GPR39: variants seen among roughly 807,000 people sequenced by gnomAD.
The protein encoded by GPR39 is G protein-coupled receptor 39.
GPR39 carries 23 observed loss-of-function variants against 18.4 expected under a neutral mutation model. The observed-to-expected ratio is 1.25, with a 90% confidence interval of 0.90 to 1.77. GPR39 has a LOEUF of 1.77. GPR39 is among the 40% of genes most tolerant of loss of function. GPR39 has a pLI of 0.00. For missense variants in GPR39, 647 were observed against 602.4 expected (o/e 1.07, Z -0.78); for synonymous variants, 280 against 257.9 (o/e 1.09, Z -0.82).
chr2:132,564,803 C>CTTTTTTTTTTTTTTT (rs1680316668), intron 1 of GPR39, among the ~76,000 whole-genome samples: 4 of 91,690 alleles, frequency 4.4e-5, no homozygotes, highest in East Asian at 4.0e-4. Flanking sequence ...CTATTTTTTT[C>CTTTTTTTTTTTTTTT]TTTTTTCTTT....
At position 132,499,969 on chromosome 2, in the gene GPR39, TAGG is replaced by T. The variant is rs545271762; in HGVS notation, c.856+82074_856+82076del. Among the ~76,000 whole-genome samples, 40 of 152,294 alleles carry T rather than the reference TAGG, an allele frequency of 2.6e-4. 1 individual carries two copies. In the East Asian group the frequency reaches 7.7e-3, roughly 29 times the overall value. On this transcript the variant is annotated intron_variant, in intron 1 of 1. Transcript: ENST00000329321. ...CTTTGCTGAACTCATTTACAAGTTT[TAGG>T]AGCTTTTTGGATGAGTCTTTAGGGT...
At chr2:132,460,451 A>C (rs1680810444) in intron 1 of GPR39, among the ~76,000 whole-genome samples, 1 of 152,182 alleles carries the variant, frequency 6.6e-6, no homozygotes, top group African/African-American at 2.4e-5. Flanking sequence ...ATTGGAGTAG[A>C]ATGGAAAATG....
intron 1 of GPR39, among the ~76,000 whole-genome samples, chr2:132,438,940 G>A (rs939978897): frequency 6.6e-6 from 1 of 152,186 alleles, no homozygotes; most frequent in Non-Finnish European, 1.5e-5. Context: ...CAGCGAGCAT[G>A]TGTATGTTTA....
At chr2:132,551,706 C>G (rs147995776) in intron 1 of GPR39, among the ~76,000 whole-genome samples, 2,560 of 152,280 alleles carry the variant, frequency 0.017, 34 homozygotes, top group Non-Finnish European at 0.026. Context: ...ATGCCTGAAA[C>G]AGTTTACCTG....
At position 132,457,569 on chromosome 2, in the gene GPR39, A is replaced by C. The variant is rs533400434; in HGVS notation, c.856+39671A>C. 1.1e-3 allele frequency among the ~76,000 whole-genome samples: 171 copies of C among 152,280 alleles called. 1 individual carries two copies. Among genetic ancestry groups the C allele is most frequent in the African/African-American group, 4.0e-3 (166 of 41,556 alleles). On this transcript the variant is annotated intron_variant, in intron 1 of 1. Coordinates refer to ENST00000329321, the MANE Select transcript of GPR39 (RefSeq NM_001508.3). Reference sequence around the variant, plus strand: ...CAGCCCCTACTGGGAGGTGTCTCCCAGTTAGGCTACACGGGGTTCAGGGAC... The same window carrying C: ...CAGCCCCTACTGGGAGGTGTCTCCCCGTTAGGCTACACGGGGTTCAGGGAC...
intron 1 of GPR39, among the ~76,000 whole-genome samples, chr2:132,644,632 A>G (rs188519681): frequency 9.2e-5 from 14 of 152,340 alleles, no homozygotes; most frequent in African/African-American, 3.1e-4. Context: ...CACTTCTTCC[A>G]TTTGATTTAA....
rs1682013043 is a variant in GPR39 at position 132,645,488 on chromosome 2, G to A, written c.1244G>A (p.Ser415Asn). 1.2e-6 allele frequency: 2 copies of A among 1,613,740 alleles called. No individual in the cohort carries two copies. The highest frequency in any genetic ancestry group is 1.7e-6 in the Non-Finnish European group (2 of 1,180,054). The stretch of plus-strand genomic sequence containing the variant: ...AAGATTTTCTTAAGCACTTTTCAGA[G>A]CGAGGCCGAGCCCCAGTCTAAGTCC... Reference protein sequence around the residue: ...TEKIFLSTFQSEAEPQSKSQS... With the variant: ...TEKIFLSTFQNEAEPQSKSQS... The change falls in exon 2 of 2, where the codon AGC becomes AAC. Residue 415 changes from serine to asparagine, a missense_variant. By Grantham distance (46) the Ser-to-Asn change is conservative. Around this residue, in one of 3 missense-constraint regions of GPR39, gnomAD observed 581 missense variants for 506.8 expected, o/e 1.15. Transcript: ENST00000329321.
intron 1 of GPR39, among the ~76,000 whole-genome samples, chr2:132,498,980 G>A (rs1271715745): frequency 6.6e-6 from 1 of 152,086 alleles, no homozygotes; most frequent in Non-Finnish European, 1.5e-5. Context: ...CGGATGTATG[G>A]ATTGTGAAGA....
intron 1 of GPR39, among the ~76,000 whole-genome samples, chr2:132,614,865 T>G (rs893136976): frequency 3.3e-5 from 5 of 152,250 alleles, no homozygotes; most frequent in African/African-American, 1.2e-4. Context: ...AATCATCATT[T>G]TAAGCTTCAA....
rs1680586866 is a variant in GPR39 at position 132,449,024 on chromosome 2, T to A, written c.856+31126T>A. ...CAGGCTGTTTGCAAACTGCAGTTTT[T>A]CAAATACCACCTTGCATGGTATTAA... On this transcript the variant is annotated intron_variant, in intron 1 of 1. Transcript: ENST00000329321. Among the ~76,000 whole-genome samples the A allele has an allele frequency of 2.0e-5, 3 of 152,326 alleles. 1 individual carries two copies. The South Asian group carries it at 6.2e-4, about 32-fold the overall frequency.
At chr2:132,438,160 C>G (rs1680365161) in intron 1 of GPR39, among the ~76,000 whole-genome samples, 1 of 152,216 alleles carries the variant, frequency 6.6e-6, no homozygotes, top group Non-Finnish European at 1.5e-5. Flanking sequence ...CTGGAAGGAT[C>G]ATGGGTCACT....
At chr2:132,427,146 ATATATATATATATATATATG>A (rs201509927) in intron 1 of GPR39, among the ~76,000 whole-genome samples, 12 of 76,854 alleles carry the variant, frequency 1.6e-4, no homozygotes, top group South Asian at 6.8e-4. Context: ...ATATATATAT[ATATATATATATATATATATG>A]AAATTTTTTT....
At chr2:132,476,877 G>A (rs1373324477) in intron 1 of GPR39, among the ~76,000 whole-genome samples, 1 of 152,116 alleles carries the variant, frequency 6.6e-6, no homozygotes, top group African/African-American at 2.4e-5. Context: ...GGTTGGCTCT[G>A]CCAATTCCTT....
chr2:132,468,879 G>T (rs186353280), intron 1 of GPR39, among the ~76,000 whole-genome samples: 67 of 152,310 alleles, frequency 4.4e-4, no homozygotes, highest in Non-Finnish European at 2.9e-5. Flanking sequence ...TCCTCCCCAG[G>T]TGAGATACAT....
chr2:132,603,514 G>A (rs1168333071), intron 1 of GPR39, among the ~76,000 whole-genome samples: 2 of 152,068 alleles, frequency 1.3e-5, no homozygotes, highest in African/African-American at 2.4e-5. Flanking sequence ...AGCTGGAAGA[G>A]TGGATTTGGA....
At chr2:132,466,209 C>A (rs1480904761) in intron 1 of GPR39, among the ~76,000 whole-genome samples, 2 of 152,140 alleles carry the variant, frequency 1.3e-5, no homozygotes, top group Non-Finnish European at 2.9e-5. Flanking sequence ...CTGTTTGTCA[C>A]TGACATAGGT....
At chr2:132,504,189 G>T (rs1467840375) in intron 1 of GPR39, among the ~76,000 whole-genome samples, 1 of 152,152 alleles carries the variant, frequency 6.6e-6, no homozygotes, top group East Asian at 1.9e-4. Context: ...ATGCTACTCT[G>T]TCTGTCCAAG....
At chr2:132,584,923 A>T (rs867990634) in intron 1 of GPR39, among the ~76,000 whole-genome samples, 1 of 152,176 alleles carries the variant, frequency 6.6e-6, no homozygotes. Context: ...ACTGATTTCC[A>T]CAGATCTCAG....
intron 1 of GPR39, among the ~76,000 whole-genome samples, chr2:132,521,706 C>A (rs1402026691): frequency 6.6e-6 from 1 of 152,154 alleles, no homozygotes; most frequent in African/African-American, 2.4e-5. Flanking sequence ...TTCTTTTCCC[C>A]CCCTTATTAA....
Sources: gnomAD v4.1 joint callset for allele counts (sites outside exome capture counted in the v4.1 genomes callset) on GRCh38, gnomAD v4.1.1 for gene constraint, gnomAD v4.1.1 regional missense constraint, MANE v1.5 for transcripts, NCBI Gene and HGNC (gene_info 2026-07-23, HGNC 2026-07-21) for gene names.